INTS13: variants seen among roughly 807,000 people sequenced by gnomAD.
The protein encoded by INTS13 is asunder, spermatogenesis regulator homolog (Drosphila).
INTS13 carries 35 observed loss-of-function variants against 90.2 expected under a neutral mutation model. The ratio of observed to expected loss-of-function variants is 0.39; its 90% CI spans 0.30 to 0.51. The LOEUF is 0.51. INTS13 is among the 20% of genes least tolerant of loss of function. The pLI is 0.80. For missense variants in INTS13, 601 were observed against 851.2 expected (o/e 0.71, Z 3.66); for synonymous variants, 309 against 277.1 (o/e 1.11, Z -1.14).
chr12:26,925,725 C>A lies in INTS13; in HGVS notation c.675+36G>T. 2.0e-6 allele frequency: 3 copies of A among 1,466,054 alleles called. No homozygotes were observed. The South Asian group carries it at 3.5e-5, about 17-fold the overall frequency. 90.8% of individuals were successfully genotyped at this position (1,466,054 alleles called of 1,614,324 possible). ...CTTCTCAGTATTTATTATTATTAAC[C>A]ACAATAGTCTTTTCTTTCATTATTT... On this transcript the variant is annotated intron_variant, in intron 6 of 16. Transcript: ENST00000261191.
chr12:26,908,510 A>T (rs1592193878), intron 15 of INTS13, among the ~76,000 whole-genome samples: 2 of 152,250 alleles, frequency 1.3e-5, no homozygotes, highest in South Asian at 4.2e-4. Flanking sequence ...TTTCAGTGCC[A>T]ATCTATATCA....
chr12:26,926,282 T>G (rs896742292), intron 5 of INTS13, among the ~76,000 whole-genome samples: 1 of 152,174 alleles, frequency 6.6e-6, no homozygotes, highest in Admixed American at 6.5e-5. Flanking sequence ...TCCCCCAACT[T>G]TTTATTTTGA....
At chr12:26,907,801 A>T (rs562783598) in intron 15 of INTS13, among the ~76,000 whole-genome samples, 2 of 152,366 alleles carry the variant, frequency 1.3e-5, no homozygotes, top group African/African-American at 4.8e-5. Flanking sequence ...AAGAAGACAG[A>T]CAACAAATAA....
Position 26,926,509 on chromosome 12 carries a change from A to G in INTS13, c.585-658T>C, listed in dbSNP as rs117584928. Reference sequence around the variant, plus strand: ...TGCTTCGCCTAGTGAGAACAATCCTACTCATAACAATAACACTATGACCGC... The same window carrying G: ...TGCTTCGCCTAGTGAGAACAATCCTGCTCATAACAATAACACTATGACCGC... On this transcript the variant is annotated intron_variant, in intron 5 of 16. Transcript: ENST00000261191. 4.4e-3 allele frequency among the ~76,000 whole-genome samples: 666 copies of G among 152,262 alleles called. 2 individuals are homozygous for G. The highest frequency in any genetic ancestry group is 0.01 in the Middle Eastern group (3 of 294).
At chr12:26,937,664 C>T (rs939662312) in intron 1 of INTS13, 132 bp downstream of exon 1, 2 of 152,264 alleles carry the variant, frequency 1.3e-5, no homozygotes, top group African/African-American at 4.8e-5. Context: ...TCACCTCTTG[C>T]TTTCAAGACG....
chr12:26,905,315 T>C lies in INTS13; in HGVS notation c.*182A>G, dbSNP rs528619028. The C allele has an allele frequency of 1.9e-4, 104 of 552,064 alleles. No homozygotes were observed. Among genetic ancestry groups the C allele is most frequent in the Non-Finnish European group, 3.1e-4 (99 of 321,914 alleles). The allele number at this position is 552,064 out of a possible 1,614,324, so 34.2% of individuals were successfully genotyped here. A position where few individuals can be genotyped will look rare whatever the true frequency, so the allele number is the denominator to read the frequency against. On this transcript the variant is annotated 3_prime_UTR_variant, in exon 17 of 17. Coordinates refer to ENST00000261191, the MANE Select transcript of INTS13 (RefSeq NM_018164.3). Reference sequence around the variant, plus strand: ...ATTTGGGAGGACAAATCATCTCAAATGTATATTTTTGAATTATGTGCCAAT... The same window carrying C: ...ATTTGGGAGGACAAATCATCTCAAACGTATATTTTTGAATTATGTGCCAAT...
At chr12:26,935,569 A>G (rs1938416238) in intron 2 of INTS13, among the ~76,000 whole-genome samples, 1 of 152,222 alleles carries the variant, frequency 6.6e-6, no homozygotes, top group African/African-American at 2.4e-5. Flanking sequence ...CTTACACGGG[A>G]GGAAACTGAG....
rs761140099 is a variant in INTS13 at position 26,913,561 on chromosome 12, C to G, written c.1701G>C (p.Glu567Asp). 1.2e-6 allele frequency: 2 copies of G among 1,613,990 alleles called. No homozygotes were observed. Among genetic ancestry groups the G allele is most frequent in the African/African-American group, 1.3e-5 (1 of 74,906 alleles). The change falls in exon 14 of 17, where the codon GAG becomes GAC. Residue 567 changes from glutamate (E) to aspartate (D), a missense_variant. Glu to Asp is a conservative substitution (Grantham distance 45). Coordinates refer to ENST00000261191, the MANE Select transcript of INTS13 (RefSeq NM_018164.3). Reference sequence around the variant, plus strand: ...TTCTTCCTCGTTTCTTTCGTTCTTCCTCTTCTGGGGGTTTGCTCCTGCATG... The same window carrying G: ...TTCTTCCTCGTTTCTTTCGTTCTTCGTCTTCTGGGGGTTTGCTCCTGCATG... ...LMACRSKPPEEEERKKRGRKR... is the reference protein window; with the variant it reads ...LMACRSKPPEDEERKKRGRKR...
intron 10 of INTS13, 86 bp from the exon 11 acceptor site, chr12:26,916,266 A>G (rs1173111496): frequency 8.4e-7 from 1 of 1,187,262 alleles, no homozygotes; most frequent in Non-Finnish European, 1.2e-6. Flanking sequence ...AGATTTTTTC[A>G]TTTTATTTAT....
At chr12:26,914,670 T>C (rs1565821302) in intron 11 of INTS13, 92 bp from the exon 12 acceptor site, 2 of 998,926 alleles carry the variant, frequency 2.0e-6, no homozygotes, top group Non-Finnish European at 2.9e-6. Flanking sequence ...ATGTCTTCTG[T>C]CCTGTGATGT....
chr12:26,915,947 C>T (rs1300933342), intron 11 of INTS13, 55 bp downstream of exon 11: 2 of 1,356,842 alleles, frequency 1.5e-6, no homozygotes, highest in Non-Finnish European at 2.0e-6. Context: ...TCGATAACTA[C>T]TTGCTGAATG....
chr12:26,936,923 T>C (rs1448362704), intron 1 of INTS13, 109 bp from the exon 2 acceptor site: 1 of 706,502 alleles, frequency 1.4e-6, no homozygotes, highest in Admixed American at 2.7e-5. Flanking sequence ...GTAGGGAACA[T>C]GAATAATATG....
At chr12:26,931,161 A>G (rs1452936780) in intron 3 of INTS13, among the ~76,000 whole-genome samples, 3 of 151,846 alleles carry the variant, frequency 2.0e-5, no homozygotes, top group Admixed American at 2.0e-4. Flanking sequence ...CAGAAAAAGA[A>G]GCCGGGCACG....
At chr12:26,912,506 G>T (rs980278550) in intron 14 of INTS13, among the ~76,000 whole-genome samples, 1 of 152,132 alleles carries the variant, frequency 6.6e-6, no homozygotes, top group Non-Finnish European at 1.5e-5. Flanking sequence ...CTGGCAAGTG[G>T]ATAGAGGATA....
chr12:26,914,056 T>C lies in INTS13; in HGVS notation c.1492A>G (p.Ile498Val). ...EEDVLNCQKT[I>V]YNLVDMERKN... ...CTTTCCATATCAACTAAGTTGTATA[T>C]TGTTTTTTGACAGTTTAACACATCT... Residue 498 changes from isoleucine to valine, a missense_variant, in exon 13 of 17, where the codon ATA (isoleucine) becomes GTA (valine). By Grantham distance (29) the Ile-to-Val change is conservative (BLOSUM62 3). Transcript: ENST00000261191. 2 of 1,611,832 alleles carry C rather than the reference T, an allele frequency of 1.2e-6. No individual in the cohort carries two copies. The highest frequency in any genetic ancestry group is 1.7e-6 in the Non-Finnish European group (2 of 1,179,094).
chr12:26,911,170 T>A lies in INTS13; in HGVS notation c.1945+8A>T. 6.2e-7 allele frequency: 1 copy of A among 1,612,004 alleles called. No individual in the cohort carries two copies. Among genetic ancestry groups the A allele is most frequent in the East Asian group, 2.2e-5 (1 of 44,802 alleles). On this transcript the variant is annotated splice_region_variant and intron_variant, in intron 15 of 16. Coordinates refer to ENST00000261191, the MANE Select transcript of INTS13 (RefSeq NM_018164.3). Reference sequence around the variant, plus strand: ...TTTATAAACCTAGTTACCACAGCTGTACCTTACCTTTTGATTTTTCCACTT... The same window carrying A: ...TTTATAAACCTAGTTACCACAGCTGAACCTTACCTTTTGATTTTTCCACTT...
rs547417117 is a variant in INTS13, at chr12:26,916,110, A to G, written c.1140T>C (p.His380=). The G allele has an allele frequency of 2.0e-5, 32 of 1,613,806 alleles. 2 individuals carry two copies. The Middle Eastern group carries it at 6.6e-4, about 33-fold the overall frequency. Residue 380 remains histidine (H), a synonymous_variant, in exon 11 of 17, where the codon CAT becomes CAC. Coordinates refer to ENST00000261191, the MANE Select transcript of INTS13 (RefSeq NM_018164.3). ...GGACGTGCAAAAAAATCTCTCCTCC[A>G]TGGCTACTAAGCATATGACTAATGA... ...SKVISHMLSS[H]GGEIFLHVLS... is the part of the protein sequence containing the mutation.
At chr12:26,916,970 T>C (rs1224094200) in intron 10 of INTS13, among the ~76,000 whole-genome samples, 2 of 152,166 alleles carry the variant, frequency 1.3e-5, no homozygotes, top group Non-Finnish European at 2.9e-5. Context: ...AGATAAATGG[T>C]CTATATTATT....
In INTS13 at chr12:26,906,324, G is replaced by T; in HGVS notation, c.2059C>A (p.Gln687Lys). ...NSVNNRAELY[Q>K]HLKEENGMET... ...AACCCATTTTCCTCTTTAAGATGTT[G>T]ATATAGTTCAGCTCTGTTATTAACA... The change falls in exon 16 of 17, where the codon CAA becomes AAA. Residue 687 changes from glutamine to lysine, a missense_variant. Gln to Lys is a moderately conservative substitution (Grantham distance 53). Around this residue, in one of 3 missense-constraint regions of INTS13, gnomAD observed 228 missense variants for 272.5 expected, o/e 0.84. Transcript: ENST00000261191. 1 of 1,604,144 alleles carries T rather than the reference G, an allele frequency of 6.2e-7. No homozygotes were observed. Among genetic ancestry groups the T allele is most frequent in the South Asian group, 1.1e-5 (1 of 88,262 alleles).
Sources: gnomAD v4.1 joint callset for allele counts (sites outside exome capture counted in the v4.1 genomes callset) on GRCh38, gnomAD v4.1.1 for gene constraint, gnomAD v4.1.1 regional missense constraint, MANE v1.5 for transcripts, NCBI Gene and HGNC (gene_info 2026-07-23, HGNC 2026-07-21) for gene names.